PIK3R2: variants seen among roughly 807,000 people sequenced by gnomAD.
The protein encoded by PIK3R2 is phosphatidylinositol 3-kinase regulatory subunit beta.
Under a neutral mutation model 78.5 loss-of-function variants are expected in PIK3R2, and 40 were observed. The ratio of observed to expected loss-of-function variants is 0.51; its 90% CI spans 0.40 to 0.66. The LOEUF (loss-of-function observed/expected upper bound fraction) is 0.66, where lower values mean the gene tolerates loss of function less well. Among genes scored for constraint, PIK3R2 ranks in the 30% least tolerant of loss-of-function variants. The pLI is 0.00. For missense variants in PIK3R2, 880 were observed against 1,026.6 expected (o/e 0.86, Z 1.95); for synonymous variants, 473 against 457.7 (o/e 1.03, Z -0.43).
chr19:18,162,892 C>CAA, intron 9 of PIK3R2, 75 bp from the exon 10 acceptor site: 8 of 1,331,042 alleles, frequency 6.0e-6, no homozygotes, highest in Middle Eastern at 2.5e-4. Flanking sequence ...GACTCTGTCT[C>CAA]AAAAAAAAAG....
Position 18,163,337 on chromosome 19 carries a change from C to G in PIK3R2, c.1365C>G (p.Asp455Glu), listed in dbSNP as rs1256941687. ...QLKVYHQQYQ[D>E]KSREYDQLYE... ...AGGTCTATCACCAGCAGTACCAGGA[C>G]AAGAGCCGCGAGTATGACCAGCTTT... is the stretch of plus-strand genomic sequence containing the variant. Residue 455 changes from aspartate (D) to glutamate (E), a missense_variant, in exon 11 of 16, where the codon GAC (aspartate) becomes GAG (glutamate). Transcript: ENST00000222254. The G allele has an allele frequency of 6.2e-7, 1 of 1,614,060 alleles. No homozygotes were observed. The highest frequency in any genetic ancestry group is 1.3e-5 in the African/African-American group (1 of 75,006).
At chr19:18,165,782 C>T (rs2043803807) in intron 11 of PIK3R2, among the ~76,000 whole-genome samples, 1 of 152,120 alleles carries the variant, frequency 6.6e-6, no homozygotes, top group Non-Finnish European at 1.5e-5. Flanking sequence ...GCCTCAGTTT[C>T]TCTGTTAATA....
chr19:18,161,099 C>T lies in PIK3R2; in HGVS notation c.512C>T (p.Ala171Val). 1.2e-6 allele frequency: 2 copies of T among 1,604,044 alleles called. No homozygotes were observed. Among genetic ancestry groups the T allele is most frequent in the Non-Finnish European group, 1.7e-6 (2 of 1,176,078 alleles). The change falls in exon 5 of 16, where the codon GCT (alanine) becomes GTT (valine). Residue 171 changes from alanine to valine, a missense_variant. Transcript: ENST00000222254. The surrounding 1 kb of genome is among the most constrained non-coding windows in gnomAD (Gnocchi z 5.3). Reference sequence around the variant, plus strand: ...GATCAGTGGGACACGGCAGCCCTGGCTGACGGCATTAAGAGCTTCCTGCTG... The same window carrying T: ...GATCAGTGGGACACGGCAGCCCTGGTTGACGGCATTAAGAGCTTCCTGCTG... ...DVDQWDTAAL[A>V]DGIKSFLLAL...
intron 1 of PIK3R2, among the ~76,000 whole-genome samples, chr19:18,155,083 C>T (rs1305702450): frequency 6.6e-6 from 1 of 150,682 alleles, no homozygotes; most frequent in Non-Finnish European, 1.5e-5. Flanking sequence ...GTGTGGTGGC[C>T]TGCTACTCGG....
At chr19:18,165,540 A>C (rs2043801450) in intron 11 of PIK3R2, among the ~76,000 whole-genome samples, 1 of 151,968 alleles carries the variant, frequency 6.6e-6, no homozygotes, top group South Asian at 2.1e-4. Flanking sequence ...CTCAAACAAA[A>C]AAAATTTTGA....
chr19:18,162,826 G>A (rs964241496), intron 9 of PIK3R2, 141 bp from the exon 10 acceptor site: 2 of 703,168 alleles, frequency 2.8e-6, no homozygotes, highest in Admixed American at 2.8e-5. Flanking sequence ...GGAGGTGGAG[G>A]TTGCAGTGAG....
At chr19:18,162,121 G>A (rs1489101315) in intron 7 of PIK3R2, 70 bp downstream of exon 7, 6 of 1,504,740 alleles carry the variant, frequency 4.0e-6, no homozygotes, top group Non-Finnish European at 4.6e-6. Context: ...AGTGCTGCCG[G>A]CATCAGCAGG....
At chr19:18,160,450 C>T (rs1245201739) in intron 2 of PIK3R2, 21 bp from the exon 3 acceptor site, 2 of 1,456,444 alleles carry the variant, frequency 1.4e-6, no homozygotes, top group South Asian at 1.1e-5. Flanking sequence ...CAACATGCAA[C>T]CCCCCTGTTT....
chr19:18,168,381 C>T lies in PIK3R2; in HGVS notation c.1737-94C>T, dbSNP rs898242138. Reference sequence around the variant, plus strand: ...GGAGATATTGTACCCAGAACCCTCTCTCCTCAGCCAGACCCTGCCTCCCAC... The same window carrying T: ...GGAGATATTGTACCCAGAACCCTCTTTCCTCAGCCAGACCCTGCCTCCCAC... On this transcript the variant is annotated intron_variant, in intron 13 of 15. Transcript: ENST00000222254. The surrounding 1 kb of genome is among the most constrained non-coding windows in gnomAD (Gnocchi z 4.1). 3 of 716,648 alleles carry T rather than the reference C, an allele frequency of 4.2e-6. No individual in the cohort carries two copies. Among genetic ancestry groups the T allele is most frequent in the East Asian group, 2.6e-5 (1 of 38,252 alleles). The allele number at this position is 716,648 out of a possible 1,614,324, so 44.4% of individuals were successfully genotyped here.
At chr19:18,159,163 T>TTTA (rs1555813899) in intron 2 of PIK3R2, among the ~76,000 whole-genome samples, 9 of 140,450 alleles carry the variant, frequency 6.4e-5, no homozygotes, top group African/African-American at 2.1e-4. Flanking sequence ...TTTTTTTTTT[T>TTTA]AAATTATTTA....
rs571661207 is a variant in PIK3R2, at chr19:18,161,376, G to A, written c.696G>A (p.Val232=). 1.8e-4 allele frequency: 222 copies of A among 1,258,166 alleles called. No individual in the cohort carries two copies. The African/African-American group carries it at 3.3e-3, about 19-fold the overall frequency. 77.9% of individuals were successfully genotyped at this position (1,258,166 alleles called of 1,614,324 possible). The change falls in exon 6 of 16, where the codon GTG becomes GTA. Residue 232 remains valine, a synonymous_variant. Transcript: ENST00000222254. This position sits in a 1 kb window ranked among gnomAD's most constrained non-coding sequence, Gnocchi z 5.3. ...LRFLLQHLGR[V]ASRAPALGPA... is the part of the protein sequence containing the mutation. ...TCCTGCTCCAGCACCTGGGCCGCGT[G>A]GCCAGCCGCGCCCCGGCCCTGGGTC...
intron 11 of PIK3R2, among the ~76,000 whole-genome samples, chr19:18,165,651 G>A (rs2043802729): frequency 6.6e-6 from 1 of 152,160 alleles, no homozygotes. Flanking sequence ...ACAGGCATTC[G>A]CCACCACCCC....
At position 18,166,707 on chromosome 19, in the gene PIK3R2, C is replaced by CAAAAAAAAA. The variant is rs34888009; in HGVS notation, c.1560-413_1560-405dup. On this transcript the variant is annotated intron_variant, in intron 12 of 15. Transcript: ENST00000222254. ...CTTGGGTGACAGAGAAAGACTGTCT[C>CAAAAAAAAA]AAAAAAAAAAAAAAAAAAGAAATGG... 2.8e-4 allele frequency among the ~76,000 whole-genome samples: 23 copies of CAAAAAAAAA among 81,690 alleles called. No individual in the cohort carries two copies. The South Asian group carries it at 4.2e-3, about 15-fold the overall frequency. The allele number at this position is 81,690 out of a possible 152,430, so 53.6% of individuals were successfully genotyped here. A position where few individuals can be genotyped will look rare whatever the true frequency, so the allele number is the denominator to read the frequency against.
Position 18,168,407 on chromosome 19 carries a change from C to A in PIK3R2, c.1737-68C>A. 1 of 747,634 alleles carries A rather than the reference C, an allele frequency of 1.3e-6. No homozygotes were observed. Among genetic ancestry groups the A allele is most frequent in the South Asian group, 1.4e-5 (1 of 71,280 alleles). The allele number at this position is 747,634 out of a possible 1,614,324, so 46.3% of individuals were successfully genotyped here. On this transcript the variant is annotated intron_variant, in intron 13 of 15. Transcript: ENST00000222254. The surrounding 1 kb of genome is among the most constrained non-coding windows in gnomAD (Gnocchi z 4.1). ...TCCTCAGCCAGACCCTGCCTCCCAC[C>A]GGACAGGCCCACTGTGGGCTCAGCA...
chr19:18,161,386 G>A lies in PIK3R2; in HGVS notation c.706G>A (p.Ala236Thr), dbSNP rs941281903. Residue 236 changes from alanine to threonine, a missense_variant, in exon 6 of 16, where the codon GCC becomes ACC. This residue lies in a region of PIK3R2 where 456 missense variants were observed against 486.6 expected (regional missense o/e 0.94). Transcript: ENST00000222254. This position sits in a 1 kb window ranked among gnomAD's most constrained non-coding sequence, Gnocchi z 5.3. Reference sequence around the variant, plus strand: ...GCACCTGGGCCGCGTGGCCAGCCGCGCCCCGGCCCTGGGTCCCGCGGTCCG... The same window carrying A: ...GCACCTGGGCCGCGTGGCCAGCCGCACCCCGGCCCTGGGTCCCGCGGTCCG... ...LQHLGRVASR[A>T]PALGPAVRAL... 179 of 1,235,542 alleles carry A rather than the reference G, an allele frequency of 1.4e-4. No homozygotes were observed. Among genetic ancestry groups the A allele is most frequent in the Non-Finnish European group, 1.7e-4 (173 of 990,170 alleles). 76.5% of individuals were successfully genotyped at this position (1,235,542 alleles called of 1,614,324 possible).
At chr19:18,158,536 G>A (rs2043704871) in intron 2 of PIK3R2, among the ~76,000 whole-genome samples, 2 of 148,504 alleles carry the variant, frequency 1.3e-5, no homozygotes, top group East Asian at 2.0e-4. Context: ...GGAGGCCAAG[G>A]CAAGTGGATC....
At chr19:18,162,528 G>A (rs369095566) in intron 9 of PIK3R2, 22 bp downstream of exon 9, 37 of 1,596,224 alleles carry the variant, frequency 2.3e-5, no homozygotes, top group Non-Finnish European at 3.1e-5. Context: ...TCCCTGCAAG[G>A]ATAACCGGGG....
At chr19:18,166,057 C>G in intron 11 of PIK3R2, 103 bp from the exon 12 acceptor site, 1 of 1,417,304 alleles carries the variant, frequency 7.1e-7, no homozygotes, top group Non-Finnish European at 1.0e-6. Context: ...GATAGAGGGA[C>G]CAGCTTGAGC....
chr19:18,168,976 G>A lies in PIK3R2; in HGVS notation c.1979+80G>A. The A allele has an allele frequency of 6.4e-7, 1 of 1,561,810 alleles. No homozygotes were observed. The highest frequency in any genetic ancestry group is 8.7e-7 in the Non-Finnish European group (1 of 1,145,112). ...ATGCCTGCCGCGTGCCAGGCCTTGG[G>A]AAGGAGTCCCTGGTGGGGTCATCCG... On this transcript the variant is annotated intron_variant, in intron 15 of 15. Coordinates refer to ENST00000222254, the MANE Select transcript of PIK3R2 (RefSeq NM_005027.4). The surrounding 1 kb of genome is among the most constrained non-coding windows in gnomAD (Gnocchi z 4.1).
Sources: gnomAD v4.1 joint callset for allele counts (sites outside exome capture counted in the v4.1 genomes callset) on GRCh38, gnomAD v4.1.1 for gene constraint, gnomAD v4.1.1 regional missense constraint, Gnocchi (gnomAD v3.1) non-coding constraint, MANE v1.5 for transcripts, NCBI Gene and HGNC (gene_info 2026-07-23, HGNC 2026-07-21) for gene names.